The following TMCO4 variants were observed in gnomAD, a reference collection of about 807,000 sequenced individuals.
TMCO4 encodes the protein transmembrane and coiled-coil domains 4.
Under a neutral mutation model 64.7 loss-of-function variants are expected in TMCO4, and 58 were observed. That is an observed-to-expected ratio of 0.90 (90% CI 0.73 to 1.12). The LOEUF is 1.12. Among genes scored for constraint, TMCO4 ranks in the 50% most tolerant of loss-of-function variants. The probability of loss-of-function intolerance (pLI) is 0.00; values close to 1 mark genes in which losing one functional copy is unlikely to be tolerated. For missense variants in TMCO4, 780 were observed against 825.9 expected (o/e 0.94, Z 0.68); for synonymous variants, 325 against 346.1 (o/e 0.94, Z 0.68).
chr1:19,771,612 A>C, intron 4 of TMCO4, 130 bp from the exon 5 acceptor site: 1 of 876,562 alleles, frequency 1.1e-6, no homozygotes, highest in Admixed American at 3.1e-5. Flanking sequence ...GATCCCTCAA[A>C]TACAGAGGCA....
intron 10 of TMCO4, among the ~76,000 whole-genome samples, chr1:19,742,054 AAC>A (rs1176972202): frequency 6.6e-5 from 10 of 151,944 alleles, no homozygotes; most frequent in Admixed American, 5.9e-4. Context: ...ACTTTTTCAA[AAC>A]ACAAATCTTC....
At chr1:19,768,795 C>T (rs565146524) in intron 6 of TMCO4, among the ~76,000 whole-genome samples, 75 of 152,140 alleles carry the variant, frequency 4.9e-4, no homozygotes, top group African/African-American at 1.7e-3. Flanking sequence ...CTGGATTCCA[C>T]GCAGATCCCA....
At chr1:19,736,313 C>T (rs563859373) in intron 13 of TMCO4, among the ~76,000 whole-genome samples, 11 of 152,144 alleles carry the variant, frequency 7.2e-5, no homozygotes, top group African/African-American at 2.7e-4. Flanking sequence ...GGAAAACCCA[C>T]CCCCCTGATT....
intron 13 of TMCO4, among the ~76,000 whole-genome samples, chr1:19,705,054 G>C (rs1309186576): frequency 6.6e-6 from 1 of 152,174 alleles, no homozygotes; most frequent in African/African-American, 2.4e-5. Context: ...AATGCATGGT[G>C]TTAGCTAAGG....
chr1:19,778,244 A>T (rs965697454), intron 4 of TMCO4, among the ~76,000 whole-genome samples: 4 of 146,286 alleles, frequency 2.7e-5, no homozygotes, highest in African/African-American at 5.1e-5. Context: ...CTCATTATTT[A>T]TATTTATTTA....
rs1570872357 is a variant in TMCO4 at position 19,746,455 on chromosome 1, C to A, written c.757+1G>T. ...AACCCATCATTCCTTTTGAACCTTA[C>A]CTGTCAGGCCAGCTCCAGCTGCACC... On this transcript the variant is annotated splice_donor_variant, in intron 9 of 15. Coordinates refer to ENST00000294543, the MANE Select transcript of TMCO4 (RefSeq NM_181719.7). LOFTEE classifies it high-confidence loss of function. 6.8e-6 allele frequency: 11 copies of A among 1,613,314 alleles called. No individual in the cohort carries two copies. Among genetic ancestry groups the A allele is most frequent in the South Asian group, 1.1e-5 (1 of 90,820 alleles).
intron 6 of TMCO4, among the ~76,000 whole-genome samples, chr1:19,763,419 G>A (rs1257410786): frequency 2.0e-5 from 3 of 152,216 alleles, no homozygotes; most frequent in Non-Finnish European, 2.9e-5. Flanking sequence ...GGGACAATAA[G>A]AGGATGGATG....
At chr1:19,745,483 A>C (rs780840227) in intron 10 of TMCO4, 49 bp downstream of exon 10, 18 of 1,612,632 alleles carry the variant, frequency 1.1e-5, no homozygotes, top group Non-Finnish European at 1.4e-5. Context: ...GGTCTGGCCC[A>C]GGCCACCACT....
chr1:19,772,813 G>GC (rs1427052614), intron 4 of TMCO4, among the ~76,000 whole-genome samples: 1 of 152,170 alleles, frequency 6.6e-6, no homozygotes, highest in Non-Finnish European at 1.5e-5. Context: ...GGAGCCCCCT[G>GC]CCCTTGCACC....
At chr1:19,786,452 C>T (rs920038114) in intron 3 of TMCO4, among the ~76,000 whole-genome samples, 4 of 152,064 alleles carry the variant, frequency 2.6e-5, no homozygotes, top group African/African-American at 4.8e-5. Context: ...GGGGTGGGCA[C>T]GTCTTTGACA....
intron 4 of TMCO4, among the ~76,000 whole-genome samples, chr1:19,779,595 C>T (rs1289460509): frequency 6.6e-6 from 1 of 152,146 alleles, no homozygotes; most frequent in African/African-American, 2.4e-5. Flanking sequence ...TCCCACGACC[C>T]CGTTTAAACT....
At chr1:19,788,247 G>A (rs115662366) in intron 2 of TMCO4, among the ~76,000 whole-genome samples, 3,546 of 152,228 alleles carry the variant, frequency 0.023, 144 homozygotes, top group African/African-American at 0.081. Context: ...TTAAAGCAAT[G>A]GAGAGGAGAA....
rs1426818709 is a variant in TMCO4, at chr1:19,798,148, G to GC, written c.-113dup. ...GATTTCACTCTCACCCCTTCTGCCT[G>GC]CTGTCACACGTTCCAGAGAGCCAGT... is the stretch of plus-strand genomic sequence containing the variant. On this transcript the variant is annotated 5_prime_UTR_variant, in exon 2 of 16. Coordinates refer to ENST00000294543, the MANE Select transcript of TMCO4 (RefSeq NM_181719.7). 1 of 155,208 alleles carries GC rather than the reference G, an allele frequency of 6.4e-6. No homozygotes were observed. Among genetic ancestry groups the GC allele is most frequent in the Non-Finnish European group, 1.4e-5 (1 of 70,282 alleles). The allele number at this position is 155,208 out of a possible 1,614,324, so 9.6% of individuals were successfully genotyped here. A position where few individuals can be genotyped will look rare whatever the true frequency, so the allele number is the denominator to read the frequency against.
intron 13 of TMCO4, among the ~76,000 whole-genome samples, chr1:19,703,214 T>A (rs67803953): frequency 0.21 from 31,642 of 152,220 alleles, 3,786 homozygotes; most frequent in South Asian, 0.26. Context: ...AAATCCCAGC[T>A]TAGCCACTTC....
intron 9 of TMCO4, 125 bp from the exon 10 acceptor site, chr1:19,745,776 A>T: frequency 7.6e-7 from 1 of 1,311,896 alleles, no homozygotes; most frequent in Non-Finnish European, 1.0e-6. Context: ...CTGGAAAAAC[A>T]CATTTTGTGT....
chr1:19,690,455 G>A (rs900854851), intron 15 of TMCO4, among the ~76,000 whole-genome samples: 3 of 152,242 alleles, frequency 2.0e-5, no homozygotes, highest in African/African-American at 7.2e-5. Flanking sequence ...CTTTCCCCTC[G>A]AGGCAACACG....
At chr1:19,766,587 C>T (rs990258647) in intron 6 of TMCO4, among the ~76,000 whole-genome samples, 2 of 152,106 alleles carry the variant, frequency 1.3e-5, no homozygotes, top group South Asian at 2.1e-4. Flanking sequence ...ACTCACAGCC[C>T]GTGCCCTGCC....
chr1:19,741,502 C>G (rs1384025307), intron 10 of TMCO4, among the ~76,000 whole-genome samples: 2 of 152,054 alleles, frequency 1.3e-5, no homozygotes, highest in Non-Finnish European at 2.9e-5. Context: ...TTCAATTTTT[C>G]TGAGCCTCAA....
chr1:19,702,740 G>C (rs959938263), intron 13 of TMCO4, among the ~76,000 whole-genome samples: 3 of 152,314 alleles, frequency 2.0e-5, no homozygotes, highest in Admixed American at 1.3e-4. Flanking sequence ...CACCAGCCTG[G>C]GTGACAGAGG....
Sources: gnomAD v4.1 joint callset for allele counts (sites outside exome capture counted in the v4.1 genomes callset) on GRCh38, gnomAD v4.1.1 for gene constraint, MANE v1.5 for transcripts, NCBI Gene and HGNC (gene_info 2026-07-23, HGNC 2026-07-21) for gene names.